Variants in NTAQ1 observed in about 807,000 individuals in gnomAD.
NTAQ1 encodes protein N-terminal glutamine amidohydrolase.
In NTAQ1, 21 loss-of-function variants were observed where a neutral mutation model predicts 28.2. The ratio of observed to expected loss-of-function variants is 0.74; its 90% confidence interval spans 0.53 to 1.07. The LOEUF is 1.07. NTAQ1 is among the 50% of genes least tolerant of loss of function. The pLI, the probability that NTAQ1 is intolerant of heterozygous loss-of-function variation, is 0.00. For synonymous variants in NTAQ1, 105 were observed against 90.0 expected, an observed-to-expected ratio of 1.17 and a Z score of -0.94; for missense variants, 264 against 256.6, an observed-to-expected ratio of 1.03 and a Z score of -0.20.
At chr8:123,443,970 C>A (rs1440195954), downstream of NTAQ1, among the ~76,000 whole-genome samples, 7 of 151,974 alleles carry the variant, frequency 4.6e-5, no homozygotes. Flanking sequence ...GGTTTTCTTA[C>A]AAGATTTTTC....
At chr8:123,473,382 G>A (rs1431284655), downstream of NTAQ1, among the ~76,000 whole-genome samples, 3 of 149,780 alleles carry the variant, frequency 2.0e-5, no homozygotes, top group Admixed American at 6.7e-5. Flanking sequence ...TGCAACTTCC[G>A]TGCCCTGGGC....
intron 5 of NTAQ1, among the ~76,000 whole-genome samples, chr8:123,438,672 C>CAAA (rs11411907): frequency 1.5e-5 from 2 of 132,626 alleles, no homozygotes; most frequent in Admixed American, 7.6e-5. Context: ...GATTCCATCT[C>CAAA]AAAAAAAAAA....
intron 6 of NTAQ1, among the ~76,000 whole-genome samples, chr8:123,464,102 A>T (rs916573209): frequency 1.3e-5 from 2 of 152,158 alleles, no homozygotes; most frequent in African/African-American, 4.8e-5. Context: ...GGAACTGTGA[A>T]TCCATTAAAC....
intron 1 of NTAQ1, among the ~76,000 whole-genome samples, chr8:123,424,709 T>C (rs1055883317): frequency 2.0e-5 from 3 of 152,180 alleles, no homozygotes; most frequent in Non-Finnish European, 4.4e-5. Flanking sequence ...CTGGCCCCTT[T>C]GTATTAACTC....
At chr8:123,423,270 GTC>G (rs139195259) in intron 1 of NTAQ1, among the ~76,000 whole-genome samples, 11 of 117,450 alleles carry the variant, frequency 9.4e-5, no homozygotes, top group African/African-American at 3.7e-4. Context: ...CTTTCTTTCT[GTC>G]TCTCTCTTTC....
rs74305349 is a variant in NTAQ1 at position 123,428,096 on chromosome 8, A to G, written c.183+73A>G. On this transcript the variant is annotated intron_variant, in intron 2 of 5. Transcript: ENST00000287387. ...CATTAGAAGCTAAATTAAAAAAAAA[A>G]AAGCTAAATATAGCATGGGTGTAGT... is the stretch of plus-strand genomic sequence containing the variant. 6.6e-3 allele frequency: 6,737 copies of G among 1,023,904 alleles called. 302 individuals are homozygous for G. The African/African-American group carries it at 0.091, about 14-fold the overall frequency. The allele number at this position is 1,023,904 out of a possible 1,614,324, so 63.4% of individuals were successfully genotyped here. A position where few individuals can be genotyped will look rare whatever the true frequency, so the allele number is the denominator to read the frequency against.
chr8:123,418,287 C>T lies in NTAQ1; in HGVS notation c.83+1355C>T, dbSNP rs377509969. 1.3e-4 allele frequency among the ~76,000 whole-genome samples: 20 copies of T among 152,120 alleles called. No homozygotes were observed. In the East Asian group the frequency reaches 3.7e-3, roughly 28 times the overall value. On this transcript the variant is annotated intron_variant, in intron 1 of 5. Transcript: ENST00000287387. ...CCGACATGCAGAAACCCTGCCTCTACTAAAAATACAAAAATTAGCCAGGTG... is the reference window on the plus strand; with the variant it reads ...CCGACATGCAGAAACCCTGCCTCTATTAAAAATACAAAAATTAGCCAGGTG...
At chr8:123,467,223 A>C (rs1412689445) in exon 7 of NTAQ1, 1 of 151,866 alleles carries the variant, frequency 6.6e-6, no homozygotes, top group Non-Finnish European at 1.5e-5. Context: ...TTTTAGTGAG[A>C]TGGGGTTCCG....
At chr8:123,469,901 T>C (rs1586975124) in exon 7 of NTAQ1, among the ~76,000 whole-genome samples, 1 of 152,228 alleles carries the variant, frequency 6.6e-6, no homozygotes, top group Admixed American at 6.5e-5. Flanking sequence ...GCTAGAAGTT[T>C]GGGGAGACAT....
chr8:123,430,122 A>G, intron 3 of NTAQ1, 89 bp downstream of exon 3: 1 of 913,420 alleles, frequency 1.1e-6, no homozygotes, highest in Non-Finnish European at 1.7e-6. Context: ...AAGTGACCTA[A>G]GCAGTAGAGA....
In NTAQ1 at chr8:123,442,020, T is replaced by TA. The variant is rs1479259372; in HGVS notation, c.*606dup. The TA allele has an allele frequency of 6.6e-6, 1 of 152,670 alleles. No individual in the cohort carries two copies. Among genetic ancestry groups the TA allele is most frequent in the Non-Finnish European group, 1.5e-5 (1 of 68,060 alleles). The allele number at this position is 152,670 out of a possible 1,614,324, so 9.5% of individuals were successfully genotyped here. ...GCTTTAAATAAAATCGATTTAACGTTAGTTTTGTTTTGAAGATTTTTGTGT... is the reference window on the plus strand; with the variant it reads ...GCTTTAAATAAAATCGATTTAACGTTAAGTTTTGTTTTGAAGATTTTTGTGT... On this transcript the variant is annotated 3_prime_UTR_variant, in exon 6 of 6. Transcript: ENST00000287387.
At chr8:123,452,563 C>CTCCA (rs1815532489), downstream of NTAQ1, among the ~76,000 whole-genome samples, 1 of 151,932 alleles carries the variant, frequency 6.6e-6, no homozygotes, top group Non-Finnish European at 1.5e-5. Context: ...AGCCATTGCA[C>CTCCA]TCCAGCCTGG....
intron 1 of NTAQ1, among the ~76,000 whole-genome samples, chr8:123,425,714 G>A (rs367568877): frequency 4.6e-4 from 70 of 152,130 alleles, no homozygotes; most frequent in African/African-American, 1.4e-3. Context: ...TGGCGTGGAT[G>A]AAATTAGGCT....
At chr8:123,429,489 T>C (rs889692659) in intron 2 of NTAQ1, among the ~76,000 whole-genome samples, 6 of 152,136 alleles carry the variant, frequency 3.9e-5, no homozygotes, top group Admixed American at 2.0e-4. Flanking sequence ...GGCAGATCTC[T>C]TGAAGCCAAG....
chr8:123,450,793 A>T (rs1209738907), downstream of NTAQ1, among the ~76,000 whole-genome samples: 1 of 152,094 alleles, frequency 6.6e-6, no homozygotes, highest in Non-Finnish European at 1.5e-5. Context: ...ACCTCTTCCC[A>T]CTTTGCAGTG....
At chr8:123,438,354 G>C in intron 5 of NTAQ1, 1 of 564,246 alleles carries the variant, frequency 1.8e-6, no homozygotes, top group South Asian at 2.2e-5. Context: ...TAGGGCAGTA[G>C]TGTTAGTACT....
At chr8:123,425,425 A>G (rs1813991038) in intron 1 of NTAQ1, among the ~76,000 whole-genome samples, 2 of 151,676 alleles carry the variant, frequency 1.3e-5, no homozygotes, top group South Asian at 2.1e-4. Context: ...TATAGTACAT[A>G]TCATATGAAG....
Position 123,436,516 on chromosome 8 carries a change from A to T in NTAQ1, c.298A>T (p.Thr100Ser). 9.9e-6 allele frequency: 16 copies of T among 1,614,038 alleles called. No homozygotes were observed. The highest frequency in any genetic ancestry group is 1.3e-5 in the Non-Finnish European group (15 of 1,179,918). ...GGQNFIYDLD[T>S]VLPFPCLFDT... ...ACAGAACTTCATTTATGATCTCGAT[A>T]CTGTCTTGCCATTTCCCTGCCTCTT... Residue 100 changes from threonine (T) to serine (S), a missense_variant, in exon 4 of 6, where the codon ACT becomes TCT. Physicochemically the swap from Thr to Ser is moderately conservative, Grantham distance 58. Coordinates refer to ENST00000287387, the MANE Select transcript of NTAQ1 (RefSeq NM_018024.3).
intron 1 of NTAQ1, among the ~76,000 whole-genome samples, chr8:123,423,381 CCCTTTCCCTCCTTTTCCTT>C (rs779362154): frequency 1.3e-4 from 18 of 140,412 alleles, no homozygotes; most frequent in South Asian, 4.6e-4. Context: ...TCCTTTTCCT[CCCTTTCCCTCCTTTTCCTT>C]CCTTTCCCTC....
Sources: gnomAD v4.1 joint callset for allele counts (sites outside exome capture counted in the v4.1 genomes callset) on GRCh38, gnomAD v4.1.1 for gene constraint, MANE v1.5 for transcripts, NCBI Gene and HGNC (gene_info 2026-07-23, HGNC 2026-07-21) for gene names.